RPA1: variants seen among roughly 807,000 people sequenced by gnomAD.
RPA1 encodes replication protein A 70 kDa DNA-binding subunit.
In RPA1, 49 loss-of-function variants were observed where a neutral mutation model predicts 83.0. That is an observed-to-expected ratio of 0.59 (90% confidence interval 0.47 to 0.75). The LOEUF is 0.75. Among genes scored for constraint, RPA1 ranks in the 30% least tolerant of loss-of-function variants. The pLI is 0.00. For synonymous variants in RPA1, 279 were observed against 281.8 expected (o/e 0.99, Z 0.10); for missense variants, 693 against 776.1 (o/e 0.89, Z 1.27).
chr17:1,870,693 T>C (rs1348490271), intron 5 of RPA1, among the ~76,000 whole-genome samples: 2 of 152,242 alleles, frequency 1.3e-5, no homozygotes, highest in African/African-American at 4.8e-5. Context: ...GTCTGTTAGG[T>C]ACCTCTTAAG....
At chr17:1,893,246 C>T (rs1031477236) in intron 15 of RPA1, among the ~76,000 whole-genome samples, 3 of 152,180 alleles carry the variant, frequency 2.0e-5, no homozygotes, top group Non-Finnish European at 4.4e-5. Context: ...CCCGAGTAAG[C>T]CTTTCAGGAT....
At chr17:1,841,509 G>C (rs933026704) in intron 1 of RPA1, among the ~76,000 whole-genome samples, 1 of 152,090 alleles carries the variant, frequency 6.6e-6, no homozygotes, top group African/African-American at 2.4e-5. Flanking sequence ...TCACCATGTT[G>C]GCCAGGCTGG....
Position 1,895,844 on chromosome 17 carries a change from G to C in RPA1, c.1746+749G>C, listed in dbSNP as rs17339270. 2.7e-4 allele frequency among the ~76,000 whole-genome samples: 41 copies of C among 151,788 alleles called. No individual in the cohort carries two copies. The East Asian group carries it at 5.3e-3, about 19-fold the overall frequency. Reference sequence around the variant, plus strand: ...ATTACAGGCGCCCGCCACCATGCCCGGCTAATTTTTGTATTTTTAGTAGAG... The same window carrying C: ...ATTACAGGCGCCCGCCACCATGCCCCGCTAATTTTTGTATTTTTAGTAGAG... On this transcript the variant is annotated intron_variant, in intron 16 of 16. Transcript: ENST00000254719.
At chr17:1,845,792 C>T (rs1032629908) in intron 4 of RPA1, among the ~76,000 whole-genome samples, 4 of 151,998 alleles carry the variant, frequency 2.6e-5, no homozygotes, top group Admixed American at 1.3e-4. Flanking sequence ...GTTAGCTGGG[C>T]GTTATGACAT....
In RPA1 at chr17:1,897,448, A is replaced by T. The variant is rs75903902; in HGVS notation, c.*273A>T. The T allele has an allele frequency of 6.0e-6, 2 of 333,932 alleles. No homozygotes were observed. Among genetic ancestry groups the T allele is most frequent in the African/African-American group, 4.3e-5 (2 of 46,236 alleles). 20.7% of individuals were successfully genotyped at this position (333,932 alleles called of 1,614,324 possible). ...TCCCTCTGCCTTCAGGCTTCTGTCA[A>T]TTTCATTATCATCAAGCAGGAATTA... On this transcript the variant is annotated 3_prime_UTR_variant, in exon 17 of 17. Transcript: ENST00000254719.
rs549895552 is a variant in RPA1, at chr17:1,858,038, T to C, written c.361+4849T>C. ...AAGATGATGCTGGGAGCCTCCTTTC[T>C]TCACATGGCTGCCAGCCCCATAGAG... On this transcript the variant is annotated intron_variant, in intron 5 of 16. Coordinates refer to ENST00000254719, the MANE Select transcript of RPA1 (RefSeq NM_002945.5). 1.5e-3 allele frequency: 2,369 copies of C among 1,612,080 alleles called. 49 individuals carry two copies. In the South Asian group the frequency reaches 0.025, roughly 17 times the overall value.
chr17:1,879,518 G>A (rs774749412), intron 10 of RPA1, 42 bp from the exon 11 acceptor site: 4 of 1,613,612 alleles, frequency 2.5e-6, no homozygotes, highest in African/African-American at 1.3e-5. Context: ...CGTCGGAATG[G>A]GAGTCTTGAC....
intron 1 of RPA1, among the ~76,000 whole-genome samples, chr17:1,840,699 G>C (rs778397921): frequency 6.6e-6 from 1 of 152,174 alleles, no homozygotes; most frequent in African/African-American, 2.4e-5. Context: ...AAGAGCCGCC[G>C]TTTGCAGCCT....
chr17:1,875,728 A>G lies in RPA1; in HGVS notation c.522A>G (p.Ser174=), dbSNP rs775832305. 1 of 1,614,186 alleles carries G rather than the reference A, an allele frequency of 6.2e-7. No homozygotes were observed. Among genetic ancestry groups the G allele is most frequent in the South Asian group, 1.1e-5 (1 of 91,084 alleles). Residue 174 remains serine (S), a synonymous_variant, in exon 7 of 17, where the codon TCA becomes TCG. Coordinates refer to ENST00000254719, the MANE Select transcript of RPA1 (RefSeq NM_002945.5). The part of the protein sequence containing the change: ...TFGKAAGPSL[S]HTSGGTQSKV... ...GAAAAGCTGCAGGTCCCAGCCTGTC[A>G]CACACTTCTGGGGGAACACAGTCCA...
intron 14 of RPA1, among the ~76,000 whole-genome samples, chr17:1,890,265 G>A (rs551417703): frequency 2.4e-4 from 37 of 152,246 alleles, no homozygotes; most frequent in African/African-American, 8.4e-4. Context: ...TCATGAGGCT[G>A]AGGTAGGAGG....
intron 1 of RPA1, among the ~76,000 whole-genome samples, chr17:1,835,823 G>A (rs1441788081): frequency 6.6e-6 from 1 of 152,054 alleles, no homozygotes; most frequent in Non-Finnish European, 1.5e-5. Flanking sequence ...AAATCAAACG[G>A]AACAGAAAGG....
chr17:1,848,970 T>G (rs1285641208), intron 4 of RPA1, among the ~76,000 whole-genome samples: 1 of 152,232 alleles, frequency 6.6e-6, no homozygotes, highest in Non-Finnish European at 1.5e-5. Flanking sequence ...TGCTTGCTAT[T>G]ACTAATAATT....
chr17:1,883,344 G>A (rs1051044414), intron 12 of RPA1, among the ~76,000 whole-genome samples: 1 of 152,058 alleles, frequency 6.6e-6, no homozygotes, highest in Non-Finnish European at 1.5e-5. Flanking sequence ...TGTATTTTTA[G>A]TAGAGACGGG....
chr17:1,843,596 T>TTCA (rs1912138306), intron 2 of RPA1, among the ~76,000 whole-genome samples: 1 of 70,048 alleles, frequency 1.4e-5, no homozygotes, highest in African/African-American at 4.5e-5. Context: ...TATTGGGTGC[T>TTCA]TCATTATTAT....
Position 1,879,664 on chromosome 17 carries a change from G to A in RPA1, c.1057G>A (p.Gly353Arg), listed in dbSNP as rs995504570. The change falls in exon 11 of 17, where the codon GGG becomes AGG. Residue 353 changes from glycine to arginine, a missense_variant. Physicochemically the swap from Gly to Arg is moderately radical, Grantham distance 125. Transcript: ENST00000254719. ...GAATATCTACTTGATGGACACATCC[G>A]GGAAGGTGGTGACTGCTACACTGTG... is the stretch of plus-strand genomic sequence containing the variant. ...KRNIYLMDTS[G>R]KVVTATLWGE... 21 of 1,614,110 alleles carry A rather than the reference G, an allele frequency of 1.3e-5. No homozygotes were observed. The highest frequency in any genetic ancestry group is 1.6e-4 in the Middle Eastern group (1 of 6,084).
intron 5 of RPA1, among the ~76,000 whole-genome samples, chr17:1,865,680 C>T (rs1379435595): frequency 1.3e-5 from 2 of 152,150 alleles, no homozygotes; most frequent in Non-Finnish European, 2.9e-5. Flanking sequence ...ATCCTTCAGG[C>T]GTTTCTTCAT....
intron 12 of RPA1, among the ~76,000 whole-genome samples, chr17:1,883,163 ATTTTT>A (rs1044564827): frequency 6.6e-6 from 1 of 151,664 alleles, no homozygotes; most frequent in Non-Finnish European, 1.5e-5. Flanking sequence ...TCTTAAAAAA[ATTTTT>A]TTTTCGAGAC....
intron 5 of RPA1, among the ~76,000 whole-genome samples, chr17:1,860,008 T>C (rs1912881550): frequency 6.6e-6 from 1 of 152,170 alleles, no homozygotes; most frequent in Non-Finnish European, 1.5e-5. Context: ...AGATAGGGTT[T>C]CACCATGTTG....
At chr17:1,832,321 G>T (rs1911649886) in intron 1 of RPA1, among the ~76,000 whole-genome samples, 1 of 152,044 alleles carries the variant, frequency 6.6e-6, no homozygotes, top group South Asian at 2.1e-4. Context: ...CAGCTCATTT[G>T]TGACTTCCCT....
Sources: allele counts gnomAD v4.1 joint callset (sites outside exome capture counted in the v4.1 genomes callset), GRCh38; gene constraint gnomAD v4.1.1; transcripts MANE v1.5; gene names NCBI Gene and HGNC (gene_info 2026-07-23, HGNC 2026-07-21).